The following CHRNA7 variants were observed in gnomAD, a reference collection of about 807,000 sequenced individuals.
CHRNA7 encodes cholinergic receptor nicotinic alpha 7 subunit, also known as neuronal acetylcholine receptor subunit alpha-7.
In CHRNA7, 17 loss-of-function variants were observed where a neutral mutation model predicts 48.0. That is an observed-to-expected ratio of 0.35 (90% CI 0.24 to 0.53). CHRNA7 has a LOEUF of 0.53. Ranked by LOEUF, CHRNA7 falls within the 20% of genes least tolerant of loss-of-function variation. The pLI, the probability that CHRNA7 is intolerant of heterozygous loss-of-function variation, is 0.92. For missense variants in CHRNA7, 155 were observed against 577.7 expected (o/e 0.27, Z 7.50); for synonymous variants, 75 against 242.3 (o/e 0.31, Z 6.41).
At chr15:32,146,768 T>C (rs2051497102) in intron 4 of CHRNA7, among the ~76,000 whole-genome samples, 1 of 152,220 alleles carries the variant, frequency 6.6e-6, no homozygotes, top group Non-Finnish European at 1.5e-5. Context: ...GTGTGATTAA[T>C]GTGATTCCAA....
intron 2 of CHRNA7, among the ~76,000 whole-genome samples, chr15:32,051,531 G>A (rs534051538): frequency 1.3e-5 from 2 of 152,038 alleles, no homozygotes; most frequent in African/African-American, 2.4e-5. Flanking sequence ...GGAGTGGCCC[G>A]ATTTTCCAGG....
intron 4 of CHRNA7, among the ~76,000 whole-genome samples, chr15:32,143,062 A>G (rs569464890): frequency 1.6e-4 from 25 of 152,296 alleles, no homozygotes; most frequent in South Asian, 1.5e-3. Context: ...ATTTAGTGCT[A>G]TAAATTTCCC....
intron 2 of CHRNA7, among the ~76,000 whole-genome samples, chr15:32,081,837 C>T (rs1253259447): frequency 2.0e-5 from 3 of 152,126 alleles, no homozygotes; most frequent in Admixed American, 6.5e-5. Context: ...CTCCACTCTT[C>T]CTTCTTTTAA....
At chr15:32,116,062 C>T (rs753372236) in intron 4 of CHRNA7, among the ~76,000 whole-genome samples, 5 of 152,140 alleles carry the variant, frequency 3.3e-5, no homozygotes, top group African/African-American at 9.7e-5. Flanking sequence ...AGCTTCTAGG[C>T]GTGGAAAATA....
chr15:32,126,299 C>T (rs183069120), intron 4 of CHRNA7, among the ~76,000 whole-genome samples: 1 of 152,284 alleles, frequency 6.6e-6, no homozygotes, highest in East Asian at 1.9e-4. Context: ...TTTGTCCCTA[C>T]CAGTGGGTTC....
chr15:32,071,586 T>C (rs1458638547), intron 2 of CHRNA7, among the ~76,000 whole-genome samples: 1 of 152,150 alleles, frequency 6.6e-6, no homozygotes, highest in Admixed American at 6.5e-5. Context: ...TTTGGATGAT[T>C]GGAGCAGATC....
chr15:32,081,658 C>G (rs2050217450), intron 2 of CHRNA7, among the ~76,000 whole-genome samples: 1 of 152,090 alleles, frequency 6.6e-6, no homozygotes, highest in South Asian at 2.1e-4. Context: ...TCCCTTTATC[C>G]TCTCCTGTAG....
rs548241497 is a variant in CHRNA7, at chr15:32,145,128, G to T, written c.351-8779G>T. On this transcript the variant is annotated intron_variant, in intron 4 of 9. Coordinates refer to ENST00000306901, the MANE Select transcript of CHRNA7 (RefSeq NM_000746.6). ...GGATGTCCCTTTTGTTGATGTTGAT[G>T]CTATTCCTTTCTGTTTGTTAGTTTT... Among the ~76,000 whole-genome samples, 8 of 152,262 alleles carry T rather than the reference G, an allele frequency of 5.3e-5. No homozygotes were observed. In the South Asian group the frequency reaches 1.5e-3, roughly 28 times the overall value.
intron 2 of CHRNA7, among the ~76,000 whole-genome samples, chr15:32,036,006 G>A (rs1902065921): frequency 6.6e-6 from 1 of 152,110 alleles, no homozygotes; most frequent in Non-Finnish European, 1.5e-5. Flanking sequence ...AATGTATAAT[G>A]GCATAATGTG....
intron 2 of CHRNA7, among the ~76,000 whole-genome samples, chr15:32,074,955 A>G (rs1470710956): frequency 3.3e-5 from 5 of 152,246 alleles, no homozygotes; most frequent in Admixed American, 3.3e-4. Flanking sequence ...GGCCAGAATC[A>G]CATTATTTGA....
At chr15:32,048,779 G>T (rs530572986) in intron 2 of CHRNA7, among the ~76,000 whole-genome samples, 27 of 151,856 alleles carry the variant, frequency 1.8e-4, no homozygotes, top group South Asian at 8.3e-4. Context: ...CAATTTTGGA[G>T]CTTTCCTGCT....
chr15:32,103,041 G>A (rs2050600084), intron 3 of CHRNA7: 1 of 152,192 alleles, frequency 6.6e-6, no homozygotes, highest in Non-Finnish European at 1.5e-5. Flanking sequence ...TGGTTCTTGA[G>A]TCAGTGTCCC....
Position 32,134,360 on chromosome 15 carries a change from T to C in CHRNA7, c.351-19547T>C, listed in dbSNP as rs958716905. 4.6e-5 allele frequency among the ~76,000 whole-genome samples: 7 copies of C among 152,284 alleles called. No individual in the cohort carries two copies. The South Asian group carries it at 8.3e-4, about 18-fold the overall frequency. On this transcript the variant is annotated intron_variant, in intron 4 of 9. Coordinates refer to ENST00000306901, the MANE Select transcript of CHRNA7 (RefSeq NM_000746.6). ...TTTTAGTAGAGATGGGGTTTCACCA[T>C]GTTAGCCAGGCTGGTCTTGAACTCC...
At position 32,112,330 on chromosome 15, in the gene CHRNA7, G is replaced by A. The variant is rs545490207; in HGVS notation, c.350+431G>A. On this transcript the variant is annotated intron_variant, in intron 4 of 9. Coordinates refer to ENST00000306901, the MANE Select transcript of CHRNA7 (RefSeq NM_000746.6). ...CATCCTCGTCTATGTTCCCTGTTGT[G>A]CATTGGAGAGTTCTGTGGCAGAGAT... 6.5e-5 allele frequency: 30 copies of A among 458,022 alleles called. No homozygotes were observed. The East Asian group carries it at 1.3e-3, about 20-fold the overall frequency. The allele number at this position is 458,022 out of a possible 1,614,324, so 28.4% of individuals were successfully genotyped here. A position where few individuals can be genotyped will look rare whatever the true frequency, so the allele number is the denominator to read the frequency against.
chr15:32,169,448 TTC>T lies in CHRNA7; in HGVS notation c.*992_*993del, dbSNP rs1453277536. 1.5e-5 allele frequency: 1 copy of T among 66,326 alleles called. No homozygotes were observed. Among genetic ancestry groups the T allele is most frequent in the African/African-American group, 5.6e-5 (1 of 17,920 alleles). The allele number at this position is 66,326 out of a possible 1,614,324, so 4.1% of individuals were successfully genotyped here. A position where few individuals can be genotyped will look rare whatever the true frequency, so the allele number is the denominator to read the frequency against. The stretch of plus-strand genomic sequence containing the variant: ...TAAAGTGAACATATTCCTAGGCCCT[TTC>T]TGCCTGTGTCAGGGCCAGGAAGTAG... On this transcript the variant is annotated 3_prime_UTR_variant, in exon 10 of 10. Transcript: ENST00000306901.
intron 2 of CHRNA7, among the ~76,000 whole-genome samples, chr15:32,058,701 T>A (rs1340452923): frequency 6.6e-6 from 1 of 152,168 alleles, no homozygotes; most frequent in Non-Finnish European, 1.5e-5. Context: ...TCCTCCTTAC[T>A]TTATTGTTAA....
chr15:32,104,278 C>A (rs1386808017), intron 3 of CHRNA7, among the ~76,000 whole-genome samples: 3 of 152,054 alleles, frequency 2.0e-5, no homozygotes, highest in Admixed American at 2.0e-4. Flanking sequence ...CCGTGCCCCC[C>A]CCTCAGGGCC....
intron 2 of CHRNA7, among the ~76,000 whole-genome samples, chr15:32,051,267 G>T (rs2049669598): frequency 6.6e-6 from 1 of 152,148 alleles, no homozygotes; most frequent in African/African-American, 2.4e-5. Context: ...GCCTACGGAG[G>T]CAGGCAGGCC....
rs568473234 is a variant in CHRNA7 at position 32,044,810 on chromosome 15, A to C, written c.195+13773A>C. 3.9e-5 allele frequency among the ~76,000 whole-genome samples: 6 copies of C among 152,356 alleles called. No homozygotes were observed. The South Asian group carries it at 8.3e-4, about 21-fold the overall frequency. On this transcript the variant is annotated intron_variant, in intron 2 of 9. Transcript: ENST00000306901. ...GGCTAGGGATGCTACTAAATGACCT[A>C]TAGTGCATAGGGTGACTCCTCAAGA...
Sources: allele counts gnomAD v4.1 joint callset (sites outside exome capture counted in the v4.1 genomes callset), GRCh38; gene constraint gnomAD v4.1.1; transcripts MANE v1.5; gene names NCBI Gene and HGNC (gene_info 2026-07-23, HGNC 2026-07-21).